DCAF8: variants seen among roughly 807,000 people sequenced by gnomAD.
DCAF8 encodes the protein DDB1 and CUL4 associated factor 8.
A neutral mutation model predicts 68.0 loss-of-function variants in DCAF8; 20 were observed. The observed-to-expected ratio is 0.29, with a 90% CI of 0.21 to 0.43. DCAF8 has a LOEUF of 0.43. Among genes scored for constraint, DCAF8 ranks in the 20% least tolerant of loss-of-function variants. The pLI is 1.00. For synonymous variants in DCAF8, 230 were observed against 276.9 expected, an observed-to-expected ratio of 0.83 and a Z score of 1.68; for missense variants, 460 against 771.0, an observed-to-expected ratio of 0.60 and a Z score of 4.78.
chr1:160,224,428 G>C lies in DCAF8; in HGVS notation c.1309+14C>G. ...ACAGGCTTGGGCCAAAGAAACCTAG[G>C]AAGACAGTCTCACCTGTGGCATTAT... On this transcript the variant is annotated intron_variant, in intron 10 of 13. Coordinates refer to ENST00000368074, the MANE Select transcript of DCAF8 (RefSeq NM_015726.4). 6.2e-7 allele frequency: 1 copy of C among 1,602,388 alleles called. No homozygotes were observed. The highest frequency in any genetic ancestry group is 8.6e-7 in the Non-Finnish European group (1 of 1,169,374).
intron 7 of DCAF8, among the ~76,000 whole-genome samples, chr1:160,227,825 T>C (rs920766166): frequency 1.3e-5 from 2 of 152,214 alleles, no homozygotes; most frequent in Non-Finnish European, 2.9e-5. Context: ...ACAGTAAGCA[T>C]AGAAAGATTA....
chr1:160,250,844 C>A (rs1656559798), intron 2 of DCAF8, among the ~76,000 whole-genome samples: 1 of 152,078 alleles, frequency 6.6e-6, no homozygotes, highest in Non-Finnish European at 1.5e-5. Context: ...TATGTTTATG[C>A]TCTTTATTTT....
chr1:160,250,926 C>T (rs1656563193), intron 2 of DCAF8, among the ~76,000 whole-genome samples: 1 of 152,060 alleles, frequency 6.6e-6, no homozygotes, highest in Admixed American at 6.6e-5. Flanking sequence ...CTGACAACTA[C>T]CTTACCTTGA....
intron 8 of DCAF8, 69 bp downstream of exon 8, chr1:160,225,522 A>G: frequency 3.9e-6 from 5 of 1,270,560 alleles, no homozygotes. Context: ...CACCATACCA[A>G]CAAGTTCAGG....
intron 7 of DCAF8, among the ~76,000 whole-genome samples, chr1:160,226,586 C>T (rs1420547422): frequency 6.6e-6 from 1 of 152,172 alleles, no homozygotes; most frequent in East Asian, 1.9e-4. Context: ...TTCATCCTTC[C>T]AGGGACCTTG....
chr1:160,247,225 CTACTCTAAAAATAACCATA>C (rs1047477694), intron 2 of DCAF8, among the ~76,000 whole-genome samples: 1 of 152,188 alleles, frequency 6.6e-6, no homozygotes, highest in Non-Finnish European at 1.5e-5. Context: ...TCCACTGTTC[CTACTCTAAAAATAACCATA>C]ACTCCTGCCA....
chr1:160,242,099 G>A (rs1470429942), intron 3 of DCAF8, among the ~76,000 whole-genome samples: 2 of 152,126 alleles, frequency 1.3e-5, no homozygotes, highest in Non-Finnish European at 2.9e-5. Context: ...CAAAAAATTA[G>A]CCGGGCGTGG....
In DCAF8 at chr1:160,217,183, C is replaced by T. The variant is rs1158581941; in HGVS notation, c.*409G>A. The T allele has an allele frequency of 6.2e-6, 1 of 161,236 alleles. No individual in the cohort carries two copies. The highest frequency in any genetic ancestry group is 1.3e-5 in the Non-Finnish European group (1 of 74,214). 10.0% of individuals were successfully genotyped at this position (161,236 alleles called of 1,614,324 possible). A position where few individuals can be genotyped will look rare whatever the true frequency, so the allele number is the denominator to read the frequency against. On this transcript the variant is annotated 3_prime_UTR_variant, in exon 14 of 14. Transcript: ENST00000368074. ...CTAAACCAAAGAGAGAGTGGCACTC[C>T]TACCCTCCACTCTGGCCCCTTGGTA...
intron 13 of DCAF8, 74 bp downstream of exon 13, chr1:160,218,250 G>A: frequency 8.8e-7 from 1 of 1,131,728 alleles, no homozygotes; most frequent in Non-Finnish European, 1.3e-6. Context: ...ACTGCTTGAA[G>A]TCACTACTCT....
chr1:160,256,509 A>G (rs1470436339), intron 2 of DCAF8, among the ~76,000 whole-genome samples: 2 of 152,184 alleles, frequency 1.3e-5, no homozygotes, highest in Admixed American at 6.5e-5. Flanking sequence ...AGAGGAATAC[A>G]GTAACTTGAC....
intron 7 of DCAF8, among the ~76,000 whole-genome samples, chr1:160,229,399 T>C (rs1437369903): frequency 1.3e-5 from 2 of 152,190 alleles, no homozygotes; most frequent in African/African-American, 2.4e-5. Context: ...TCTCCTTGTG[T>C]TGAAATGCTA....
rs1655678323 is a variant in DCAF8, at chr1:160,231,376, T to C, written c.991A>G (p.Lys331Glu). ...KLVVTKEKEK[K>E]VGLYTIYVNP... ...ACATAGATCGTATACAGCCCCACTT[T>C]CTTCTCTTTCTCTTTTGTCACCACC... The change falls in exon 7 of 14, where the codon AAA (lysine) becomes GAA (glutamate). Residue 331 changes from lysine to glutamate, a missense_variant. Lys to Glu is a moderately conservative substitution (Grantham distance 56, BLOSUM62 1). Transcript: ENST00000368074. 1.2e-6 allele frequency: 2 copies of C among 1,614,026 alleles called. No individual in the cohort carries two copies. The highest frequency in any genetic ancestry group is 8.5e-7 in the Non-Finnish European group (1 of 1,179,994).
At chr1:160,256,793 G>A (rs1051877045) in intron 2 of DCAF8, among the ~76,000 whole-genome samples, 1 of 152,098 alleles carries the variant, frequency 6.6e-6, no homozygotes, top group African/African-American at 2.4e-5. Context: ...GCAACCTCAA[G>A]GCAGCCTCCG....
At chr1:160,225,379 A>C (rs1041858523) in intron 8 of DCAF8, among the ~76,000 whole-genome samples, 3 of 152,188 alleles carry the variant, frequency 2.0e-5, no homozygotes, top group African/African-American at 7.2e-5. Context: ...CAAGGCAGTT[A>C]TTTTTATTTC....
At position 160,248,184 on chromosome 1, in the gene DCAF8, G is replaced by A. The variant is rs189613953; in HGVS notation, c.-26-4150C>T. 1.1e-3 allele frequency among the ~76,000 whole-genome samples: 170 copies of A among 152,170 alleles called. 1 individual carries two copies. Among genetic ancestry groups the A allele is most frequent in the African/African-American group, 4.0e-3 (165 of 41,504 alleles). On this transcript the variant is annotated intron_variant, in intron 2 of 13. Transcript: ENST00000368074. ...TAGCCGGGCGTGGTGGCACATGCCC[G>A]TAGTCCCTGCTACTGGGGAAGCTGA...
chr1:160,250,964 A>G (rs1365086188), intron 2 of DCAF8, among the ~76,000 whole-genome samples: 1 of 152,126 alleles, frequency 6.6e-6, no homozygotes, highest in Non-Finnish European at 1.5e-5. Flanking sequence ...ACGTGTAAAT[A>G]TTATTATTGT....
intron 7 of DCAF8, among the ~76,000 whole-genome samples, chr1:160,230,017 C>CT (rs1655618463): frequency 7.3e-6 from 1 of 136,122 alleles, no homozygotes; most frequent in African/African-American, 2.7e-5. Flanking sequence ...GAGTAAAACT[C>CT]TGTCTAAAAA....
At chr1:160,248,657 C>T (rs1323104957) in intron 2 of DCAF8, among the ~76,000 whole-genome samples, 2 of 149,958 alleles carry the variant, frequency 1.3e-5, no homozygotes, top group Admixed American at 6.7e-5. Flanking sequence ...GAGCTGCGAT[C>T]GCGCCACTGC....
At chr1:160,231,587 C>T (rs1234026279) in intron 6 of DCAF8, among the ~76,000 whole-genome samples, 180 bp from the exon 7 acceptor site, 1 of 152,140 alleles carries the variant, frequency 6.6e-6, no homozygotes, top group African/African-American at 2.4e-5. Context: ...AAAGCACATA[C>T]ATTTATTATA....
Sources: gnomAD v4.1 joint callset for allele counts (sites outside exome capture counted in the v4.1 genomes callset) on GRCh38, gnomAD v4.1.1 for gene constraint, MANE v1.5 for transcripts, NCBI Gene and HGNC (gene_info 2026-07-23, HGNC 2026-07-21) for gene names.